Variants in VPS13B observed in about 807,000 individuals in gnomAD.
VPS13B encodes vacuolar protein sorting 13 homolog B, also known as intermembrane lipid transfer protein VPS13B.
Under a neutral mutation model 426.4 loss-of-function variants are expected in VPS13B, and 285 were observed. That is an observed-to-expected ratio of 0.67 (90% CI 0.61 to 0.74). VPS13B has a LOEUF of 0.74. Among genes scored for constraint, VPS13B ranks in the 30% least tolerant of loss-of-function variants. The pLI is 0.00. For synonymous variants in VPS13B, 1,676 were observed against 1,676.4 expected (o/e 1.00, Z 0.01); for missense variants, 4,537 against 4,782.6 (o/e 0.95, Z 1.51).
chr8:99,538,495 G>A (rs1823380586), intron 30 of VPS13B, among the ~76,000 whole-genome samples: 1 of 151,958 alleles, frequency 6.6e-6, no homozygotes, highest in Non-Finnish European at 1.5e-5. Context: ...TATATGCTCT[G>A]TTTTGGGATA....
intron 41 of VPS13B, among the ~76,000 whole-genome samples, chr8:99,777,534 G>A (rs574147515): frequency 1.5e-4 from 23 of 152,130 alleles, no homozygotes; most frequent in Admixed American, 1.2e-3. Context: ...CCCACAACAC[G>A]TGGGAATTCA....
chr8:99,851,588 G>C (rs1279914870), intron 55 of VPS13B, among the ~76,000 whole-genome samples: 2 of 152,058 alleles, frequency 1.3e-5, no homozygotes. Flanking sequence ...AGCAGTAGGG[G>C]GTTAGTAATG....
chr8:99,425,047 A>G (rs1170577393), intron 21 of VPS13B, among the ~76,000 whole-genome samples: 1 of 152,212 alleles, frequency 6.6e-6, no homozygotes. Flanking sequence ...GACCAATAAC[A>G]GGCTCTAAAA....
At chr8:99,582,304 A>G (rs957524894) in intron 33 of VPS13B, among the ~76,000 whole-genome samples, 1 of 152,190 alleles carries the variant, frequency 6.6e-6, no homozygotes, top group African/African-American at 2.4e-5. Context: ...AGTAGCATCA[A>G]TCCCTGATAC....
chr8:99,823,353 A>C, intron 50 of VPS13B, among the ~76,000 whole-genome samples: 2 of 152,312 alleles, frequency 1.3e-5, no homozygotes, highest in South Asian at 4.1e-4. Context: ...ATGAAGGTCA[A>C]TCCTTATTGT....
intron 23 of VPS13B, among the ~76,000 whole-genome samples, chr8:99,444,656 T>C (rs1162384096): frequency 1.3e-5 from 2 of 152,094 alleles, no homozygotes; most frequent in Non-Finnish European, 2.9e-5. Flanking sequence ...ATATCTTCTT[T>C]AATATTTTAT....
intron 19 of VPS13B, among the ~76,000 whole-genome samples, chr8:99,322,130 G>C (rs1287549150): frequency 1.3e-5 from 2 of 152,092 alleles, no homozygotes; most frequent in African/African-American, 4.8e-5. Context: ...TTGTGCCCTT[G>C]CTTTTGCCTT....
chr8:99,697,307 C>T (rs1051115371), intron 35 of VPS13B: 45 of 574,234 alleles, frequency 7.8e-5, no homozygotes, highest in South Asian at 1.6e-4. Context: ...AGAAGGATGT[C>T]GCGCCCGAAG....
intron 34 of VPS13B, among the ~76,000 whole-genome samples, chr8:99,657,766 A>G (rs1247330069): frequency 6.6e-6 from 1 of 152,154 alleles, no homozygotes; most frequent in Non-Finnish European, 1.5e-5. Flanking sequence ...ATTTACTTAT[A>G]TATTCTTAAG....
intron 43 of VPS13B, among the ~76,000 whole-genome samples, chr8:99,802,898 G>A (rs1250991594): frequency 1.3e-5 from 2 of 152,164 alleles, no homozygotes; most frequent in Non-Finnish European, 1.5e-5. Flanking sequence ...CTCAGCCTCT[G>A]TGTACCTCCA....
At chr8:99,522,664 G>T (rs747155542) in intron 30 of VPS13B, among the ~76,000 whole-genome samples, 1 of 152,034 alleles carries the variant, frequency 6.6e-6, no homozygotes, top group African/African-American at 2.4e-5. Flanking sequence ...GTAACTTGGG[G>T]TGACCCTGTA....
intron 17 of VPS13B, among the ~76,000 whole-genome samples, chr8:99,237,992 A>G (rs1290821217): frequency 6.6e-6 from 1 of 151,842 alleles, no homozygotes; most frequent in East Asian, 1.9e-4. Flanking sequence ...ACTACCAGTA[A>G]GCTTCTGTAA....
intron 19 of VPS13B, among the ~76,000 whole-genome samples, chr8:99,348,714 G>A (rs1811685008): frequency 1.3e-5 from 2 of 152,000 alleles, no homozygotes; most frequent in Non-Finnish European, 2.9e-5. Context: ...CTTATAAGGA[G>A]GAACCACCTA....
At chr8:99,553,356 T>C (rs1180952489) in intron 30 of VPS13B, among the ~76,000 whole-genome samples, 1 of 152,084 alleles carries the variant, frequency 6.6e-6, no homozygotes, top group East Asian at 1.9e-4. Context: ...TATTCAGAAA[T>C]AGGTGATACT....
chr8:99,652,400 A>T (rs1280501324), intron 34 of VPS13B, among the ~76,000 whole-genome samples: 3 of 152,142 alleles, frequency 2.0e-5, no homozygotes, highest in African/African-American at 7.2e-5. Flanking sequence ...AGGCTCAATG[A>T]CTATTAATAA....
chr8:99,490,953 A>G (rs1226461553), intron 25 of VPS13B, among the ~76,000 whole-genome samples: 10 of 151,822 alleles, frequency 6.6e-5, no homozygotes, highest in Non-Finnish European at 1.5e-5. Context: ...TACATTTTGA[A>G]TTTGTTTGCT....
intron 23 of VPS13B, among the ~76,000 whole-genome samples, chr8:99,466,620 A>G (rs969299049): frequency 5.3e-5 from 8 of 152,192 alleles, no homozygotes; most frequent in Non-Finnish European, 1.2e-4. Flanking sequence ...AAGTATAAAA[A>G]GGGAATTTTG....
At position 99,717,295 on chromosome 8, in the gene VPS13B, G is replaced by C. The variant is rs763341700; in HGVS notation, c.6579G>C (p.Trp2193Cys). Reference sequence around the variant, plus strand: ...CTACTGCCAATCTGGAAGCTAAGTGGTGTAAACACAGCGGGAATCCAGGCC... The same window carrying C: ...CTACTGCCAATCTGGAAGCTAAGTGCTGTAAACACAGCGGGAATCCAGGCC... ...CCATANLEAK[W>C]CKHSGNPGPE... Residue 2193 changes from tryptophan (W) to cysteine (C), a missense_variant, in exon 37 of 62, where the codon TGG becomes TGC. By Grantham distance (215) the Trp-to-Cys change is radical (BLOSUM62 -2). Around this residue, in one of 2 missense-constraint regions of VPS13B, gnomAD observed 4,311 missense variants for 4,474.3 expected, o/e 0.96. Coordinates refer to ENST00000357162, the MANE Select transcript of VPS13B (RefSeq NM_152564.5). 2 of 1,613,996 alleles carry C rather than the reference G, an allele frequency of 1.2e-6. No individual in the cohort carries two copies. The highest frequency in any genetic ancestry group is 1.7e-5 in the Admixed American group (1 of 59,996).
Position 99,440,310 on chromosome 8 carries a change from A to G in VPS13B, c.3211-2091A>G, listed in dbSNP as rs374572618. ...TCCCAACCAGATGGTTTCCATGAAC[A>G]TGATCTGACCCCCAGCTTGAGGACT... On this transcript the variant is annotated intron_variant, in intron 22 of 61. Transcript: ENST00000357162. 2.6e-5 allele frequency among the ~76,000 whole-genome samples: 4 copies of G among 152,120 alleles called. No individual in the cohort carries two copies. The South Asian group carries it at 6.2e-4, about 24-fold the overall frequency.
Sources: gnomAD v4.1 joint callset for allele counts (sites outside exome capture counted in the v4.1 genomes callset) on GRCh38, gnomAD v4.1.1 for gene constraint, gnomAD v4.1.1 regional missense constraint, MANE v1.5 for transcripts, NCBI Gene and HGNC (gene_info 2026-07-23, HGNC 2026-07-21) for gene names.